The following UNC5C variants were observed in gnomAD, a reference collection of about 807,000 sequenced individuals.
The protein encoded by UNC5C is netrin receptor UNC5C.
UNC5C carries 47 observed loss-of-function variants against 99.8 expected under a neutral mutation model. That is an observed-to-expected ratio of 0.47 (90% CI 0.37 to 0.60). UNC5C has a LOEUF of 0.60. Ranked by LOEUF, UNC5C falls within the 20% of genes least tolerant of loss-of-function variation. The pLI, the probability that UNC5C is intolerant of heterozygous loss-of-function variation, is 0.00. For missense variants in UNC5C, 1,062 were observed against 1,165.9 expected, an observed-to-expected ratio of 0.91 and a Z score of 1.30; for synonymous variants, 487 against 452.2, an observed-to-expected ratio of 1.08 and a Z score of -0.98.
chr4:95,286,764 C>T (rs1049413463), intron 3 of UNC5C, among the ~76,000 whole-genome samples: 7 of 152,172 alleles, frequency 4.6e-5, no homozygotes, highest in African/African-American at 4.8e-5. Context: ...TCTTTACTCT[C>T]GTTACTTAGC....
At chr4:95,316,624 A>C (rs950266027) in intron 2 of UNC5C, among the ~76,000 whole-genome samples, 8 of 152,204 alleles carry the variant, frequency 5.3e-5, no homozygotes, top group Admixed American at 3.3e-4. Context: ...TACCTATCAA[A>C]AAATGAGAAG....
chr4:95,243,492 A>G (rs1464643329), intron 6 of UNC5C, among the ~76,000 whole-genome samples: 1 of 152,214 alleles, frequency 6.6e-6, no homozygotes, highest in Non-Finnish European at 1.5e-5. Flanking sequence ...GCTTTAAAAT[A>G]TTAATTTTCC....
intron 1 of UNC5C, among the ~76,000 whole-genome samples, chr4:95,532,600 G>A (rs1722678346): frequency 6.6e-6 from 1 of 152,192 alleles, no homozygotes; most frequent in Non-Finnish European, 1.5e-5. Context: ...GCTCCTGTGA[G>A]ATGGGAAAGG....
At chr4:95,496,691 T>A (rs1843380) in intron 1 of UNC5C, among the ~76,000 whole-genome samples, 2 of 152,016 alleles carry the variant, frequency 1.3e-5, no homozygotes, top group Admixed American at 6.6e-5. Context: ...TTTTAATTTT[T>A]ATTTTTATTT....
At chr4:95,311,818 AG>A (rs1742286859) in intron 2 of UNC5C, among the ~76,000 whole-genome samples, 1 of 152,190 alleles carries the variant, frequency 6.6e-6, no homozygotes, top group Non-Finnish European at 1.5e-5. Flanking sequence ...CCTAGGCAAG[AG>A]GATTGCTTGA....
intron 1 of UNC5C, among the ~76,000 whole-genome samples, chr4:95,392,161 A>C (rs188672860): frequency 0.012 from 1,754 of 152,306 alleles, 37 homozygotes; most frequent in African/African-American, 0.04. Context: ...GCTAACCTTA[A>C]AAACTGGGTA....
chr4:95,450,553 G>A (rs1174157745), intron 1 of UNC5C, among the ~76,000 whole-genome samples: 1 of 152,160 alleles, frequency 6.6e-6, no homozygotes, highest in Non-Finnish European at 1.5e-5. Flanking sequence ...GAACTGCACT[G>A]TGAAAAACTA....
intron 1 of UNC5C, among the ~76,000 whole-genome samples, chr4:95,510,624 C>T (rs961471380): frequency 1.3e-5 from 2 of 152,000 alleles, no homozygotes; most frequent in Admixed American, 6.6e-5. Context: ...AATTTATTAT[C>T]TTTAAATTTT....
At chr4:95,288,128 G>C (rs1177190431) in intron 3 of UNC5C, among the ~76,000 whole-genome samples, 1 of 146,238 alleles carries the variant, frequency 6.8e-6, no homozygotes, top group Admixed American at 6.9e-5. Flanking sequence ...TGTCACCCAG[G>C]CTGGAGTGCA....
intron 1 of UNC5C, among the ~76,000 whole-genome samples, chr4:95,413,981 C>G (rs1006752781): frequency 3.3e-5 from 5 of 152,168 alleles, no homozygotes; most frequent in Non-Finnish European, 7.3e-5. Context: ...GATCCAAATG[C>G]AGAGCCAAAT....
chr4:95,227,555 T>A (rs991758251), intron 7 of UNC5C, among the ~76,000 whole-genome samples: 6 of 152,194 alleles, frequency 3.9e-5, no homozygotes, highest in Admixed American at 6.5e-5. Flanking sequence ...AACCTTTAAG[T>A]GAAGAAAAAA....
intron 4 of UNC5C, among the ~76,000 whole-genome samples, chr4:95,270,501 A>G (rs1335146456): frequency 6.6e-6 from 1 of 152,234 alleles, no homozygotes. Flanking sequence ...TCTGTAAAGG[A>G]AAGGCATTTG....
chr4:95,532,534 A>C (rs1722676541), intron 1 of UNC5C, among the ~76,000 whole-genome samples: 1 of 152,004 alleles, frequency 6.6e-6, no homozygotes, highest in Non-Finnish European at 1.5e-5. Context: ...TCAACTCATC[A>C]ATTCCTGTAC....
In UNC5C at chr4:95,193,804, G is replaced by A. The variant is rs1033891312; in HGVS notation, c.2137-8608C>T. On this transcript the variant is annotated intron_variant, in intron 12 of 15. Transcript: ENST00000453304. ...CCCCATGCTCTGTCCCCTCCTCTCC[G>A]GCTTGCAGGCCTCAGACTGCTGAGC... Among the ~76,000 whole-genome samples the A allele has an allele frequency of 3.9e-5, 6 of 152,170 alleles. No homozygotes were observed. In the East Asian group the frequency reaches 7.8e-4, roughly 20 times the overall value.
rs568617910 is a variant in UNC5C at position 95,273,571 on chromosome 4, G to A, written c.594+4688C>T. ...ATTTTCTTGCTTCTTCAGGGAGATG[G>A]GGGGAAGGTTTATCTGTTGAAAGAA... On this transcript the variant is annotated intron_variant, in intron 4 of 15. Coordinates refer to ENST00000453304, the MANE Select transcript of UNC5C (RefSeq NM_003728.4). Among the ~76,000 whole-genome samples, 9 of 152,296 alleles carry A rather than the reference G, an allele frequency of 5.9e-5. No homozygotes were observed. The South Asian group carries it at 1.9e-3, about 32-fold the overall frequency.
intron 1 of UNC5C, among the ~76,000 whole-genome samples, chr4:95,394,940 G>A (rs1275062777): frequency 1.3e-5 from 2 of 152,086 alleles, no homozygotes; most frequent in East Asian, 3.9e-4. Flanking sequence ...GATAGATCAG[G>A]GCAAACTGAA....
At chr4:95,494,574 A>G (rs771145021) in intron 1 of UNC5C, among the ~76,000 whole-genome samples, 1 of 151,498 alleles carries the variant, frequency 6.6e-6, no homozygotes, top group African/African-American at 2.4e-5. Context: ...AGGCCTTCCC[A>G]TATTAAACAC....
chr4:95,486,514 C>T (rs757109315), intron 1 of UNC5C, among the ~76,000 whole-genome samples: 2 of 151,512 alleles, frequency 1.3e-5, no homozygotes, highest in African/African-American at 2.4e-5. Flanking sequence ...TATATGGTGT[C>T]CATATTTATA....
At chr4:95,176,919 G>A (rs1001675064) in intron 14 of UNC5C, among the ~76,000 whole-genome samples, 1 of 150,648 alleles carries the variant, frequency 6.6e-6, no homozygotes, top group Non-Finnish European at 1.5e-5. Flanking sequence ...GACCCTCCGA[G>A]CCAGGTGCGG....
Sources: gnomAD v4.1 joint callset for allele counts (sites outside exome capture counted in the v4.1 genomes callset) on GRCh38, gnomAD v4.1.1 for gene constraint, MANE v1.5 for transcripts, NCBI Gene and HGNC (gene_info 2026-07-23, HGNC 2026-07-21) for gene names.